Variants in PRDM10 observed in about 807,000 individuals in gnomAD.
PRDM10 encodes the protein PR/SET domain 10.
In PRDM10, 65 loss-of-function variants were observed where a neutral mutation model predicts 133.1. That is an observed-to-expected ratio of 0.49 (90% confidence interval 0.40 to 0.60). The LOEUF (loss-of-function observed/expected upper bound fraction) is 0.60, where lower values mean the gene tolerates loss of function less well. Ranked by LOEUF, PRDM10 falls within the 20% of genes least tolerant of loss-of-function variation. The pLI is 0.00. For synonymous variants in PRDM10, 582 were observed against 580.4 expected, an observed-to-expected ratio of 1.00 and a Z score of -0.04; for missense variants, 1,137 against 1,507.1, an observed-to-expected ratio of 0.75 and a Z score of 4.07.
chr11:129,986,099 C>T (rs1168578056), intron 1 of PRDM10, among the ~76,000 whole-genome samples: 1 of 151,154 alleles, frequency 6.6e-6, no homozygotes, highest in South Asian at 2.1e-4. Flanking sequence ...ATCTCCTCCT[C>T]GCCCTGTGCC....
intron 1 of PRDM10, among the ~76,000 whole-genome samples, chr11:130,001,681 C>T (rs924894427): frequency 6.6e-6 from 1 of 152,208 alleles, no homozygotes; most frequent in Admixed American, 6.5e-5. Context: ...GGCTGGAGGG[C>T]AGACGGGGAA....
intron 1 of PRDM10, among the ~76,000 whole-genome samples, chr11:129,969,389 C>G (rs1041913864): frequency 1.3e-5 from 2 of 152,154 alleles, no homozygotes; most frequent in African/African-American, 4.8e-5. Flanking sequence ...ATCAGACAGC[C>G]TAGCTCCAAA....
chr11:129,944,685 C>T, intron 6 of PRDM10, 86 bp downstream of exon 6: 5 of 1,510,350 alleles, frequency 3.3e-6, no homozygotes, highest in Non-Finnish European at 3.6e-6. Context: ...TGCTAAGAAA[C>T]AGGAATAAGA....
In PRDM10 at chr11:129,901,460, T is replaced by C. The variant is rs1949842638; in HGVS notation, c.*853A>G. On this transcript the variant is annotated 3_prime_UTR_variant, in exon 21 of 21. Transcript: ENST00000360871. ...GAACAAAATTTCAATACTTTCTCTC[T>C]CTCTCTCTCAATAGTTTTGGAAATT... 6.6e-6 allele frequency: 1 copy of C among 152,266 alleles called. No individual in the cohort carries two copies. The highest frequency in any genetic ancestry group is 2.1e-4 in the South Asian group (1 of 4,834). The allele number at this position is 152,266 out of a possible 1,614,324, so 9.4% of individuals were successfully genotyped here.
intron 8 of PRDM10, among the ~76,000 whole-genome samples, chr11:129,936,079 C>T (rs1018730064): frequency 2.6e-5 from 4 of 152,082 alleles, no homozygotes; most frequent in African/African-American, 9.7e-5. Flanking sequence ...CTTGATCACC[C>T]GGCCAATCAT....
At position 129,957,899 on chromosome 11, in the gene PRDM10, A is replaced by G. The variant is rs1403780933; in HGVS notation, c.81T>C (p.Val27=). 6.2e-6 allele frequency: 10 copies of G among 1,611,798 alleles called. No homozygotes were observed. The South Asian group carries it at 1.1e-4, about 18-fold the overall frequency. The change falls in exon 3 of 21, where the codon GTT becomes GTC. Residue 27 remains valine, a synonymous_variant. Coordinates refer to ENST00000360871, the MANE Select transcript of PRDM10 (RefSeq NM_199437.2). ...HEQNAAQVHF[V]PDTGTVAQIV... ...TCTGAGCCACTGTTCCTGTGTCCGG[A>G]ACAAAGTGCACCTGGCATAAACAGG...
chr11:129,921,608 C>G (rs73016854), intron 13 of PRDM10, among the ~76,000 whole-genome samples: 12,508 of 152,264 alleles, frequency 0.082, 575 homozygotes, highest in Admixed American at 0.13. Context: ...TCTGATTCTA[C>G]TTTGAAAATA....
intron 7 of PRDM10, among the ~76,000 whole-genome samples, chr11:129,938,192 A>G (rs921863179): frequency 6.0e-5 from 9 of 149,982 alleles, no homozygotes; most frequent in African/African-American, 2.2e-4. Flanking sequence ...GGGACTTCTT[A>G]TTTTGACCTC....
At position 129,961,099 on chromosome 11, in the gene PRDM10, A is replaced by G. The variant is rs1277618764; in HGVS notation, c.-118-17T>C. 1 of 579,226 alleles carries G rather than the reference A, an allele frequency of 1.7e-6. No individual in the cohort carries two copies. Among genetic ancestry groups the G allele is most frequent in the African/African-American group, 1.9e-5 (1 of 52,542 alleles). The allele number at this position is 579,226 out of a possible 1,614,324, so 35.9% of individuals were successfully genotyped here. On this transcript the variant is annotated splice_polypyrimidine_tract_variant and intron_variant, in intron 1 of 20. Coordinates refer to ENST00000360871, the MANE Select transcript of PRDM10 (RefSeq NM_199437.2). Reference sequence around the variant, plus strand: ...GCAGCATGCCTGAGAAAACACAGAAAAGGAACCAAGACTTTCAGTAGATAA... The same window carrying G: ...GCAGCATGCCTGAGAAAACACAGAAGAGGAACCAAGACTTTCAGTAGATAA...
chr11:129,994,306 A>G (rs1938919725), intron 1 of PRDM10, among the ~76,000 whole-genome samples: 1 of 98,162 alleles, frequency 1.0e-5, no homozygotes, highest in Non-Finnish European at 1.8e-5. Context: ...CTAAAAAAAA[A>G]GTACAAAAAT....
At chr11:129,909,473 T>C (rs965586388) in intron 19 of PRDM10, among the ~76,000 whole-genome samples, 2 of 150,988 alleles carry the variant, frequency 1.3e-5, no homozygotes, top group Non-Finnish European at 2.9e-5. Flanking sequence ...GAATATTGAT[T>C]GTAAAAATAA....
chr11:129,952,117 G>GT (rs368182371), intron 4 of PRDM10, among the ~76,000 whole-genome samples: 38 of 152,328 alleles, frequency 2.5e-4, no homozygotes, highest in African/African-American at 8.9e-4. Flanking sequence ...GTCTTGTAAT[G>GT]TCAGGGTTTG....
intron 19 of PRDM10, 130 bp downstream of exon 19, chr11:129,910,346 G>C (rs1950147341): frequency 2.4e-5 from 30 of 1,264,760 alleles, no homozygotes; most frequent in Admixed American, 6.4e-5. Flanking sequence ...ACCCATTGAA[G>C]TACATTCATA....
At chr11:129,983,877 C>CTGTGTGGTGGGGT in intron 1 of PRDM10, among the ~76,000 whole-genome samples, 1 of 152,274 alleles carries the variant, frequency 6.6e-6, no homozygotes, top group East Asian at 1.9e-4. Context: ...TATGTTCCCT[C>CTGTGTGGTGGGGT]CTGTGACCAC....
rs116285392 is a variant in PRDM10, at chr11:129,998,908, T to G, written c.-119+3814A>C. On this transcript the variant is annotated intron_variant, in intron 1 of 20. Coordinates refer to ENST00000360871, the MANE Select transcript of PRDM10 (RefSeq NM_199437.2). ...CGTGATCTCGGCTCACTGCAGCCGCTACTTCCGGGGCTCAGGTGATTCTCC... is the reference window on the plus strand; with the variant it reads ...CGTGATCTCGGCTCACTGCAGCCGCGACTTCCGGGGCTCAGGTGATTCTCC... Among the ~76,000 whole-genome samples, 980 of 150,830 alleles carry G rather than the reference T, an allele frequency of 6.5e-3. 8 individuals carry two copies. Among genetic ancestry groups the G allele is most frequent in the African/African-American group, 0.022 (889 of 40,982 alleles).
intron 9 of PRDM10, among the ~76,000 whole-genome samples, chr11:129,932,689 G>T (rs537457185): frequency 2.0e-5 from 3 of 152,136 alleles, no homozygotes; most frequent in African/African-American, 7.2e-5. Context: ...TGGAAGGTCA[G>T]AACAAATTTC....
chr11:129,955,974 A>T (rs1416727053), intron 3 of PRDM10, among the ~76,000 whole-genome samples: 2 of 152,244 alleles, frequency 1.3e-5, no homozygotes, highest in Non-Finnish European at 2.9e-5. Context: ...ATGGATGGAG[A>T]TAGACAGGCA....
chr11:129,933,972 T>A (rs2135825473), intron 9 of PRDM10, among the ~76,000 whole-genome samples: 1 of 152,296 alleles, frequency 6.6e-6, no homozygotes, highest in East Asian at 1.9e-4. Context: ...GCATCTCCAG[T>A]TCAATCCTTC....
chr11:129,988,921 G>A lies in PRDM10; in HGVS notation c.-119+13801C>T, dbSNP rs189657856. On this transcript the variant is annotated intron_variant, in intron 1 of 20. Transcript: ENST00000360871. ...TGGGATTACAGGCGTGAGCCACTGC[G>A]CCCGGCCAAGTCAATGCAAACTTTC... 4.5e-4 allele frequency among the ~76,000 whole-genome samples: 68 copies of A among 152,216 alleles called. No individual in the cohort carries two copies. In the East Asian group the frequency reaches 7.7e-3, roughly 17 times the overall value.
Sources: gnomAD v4.1 joint callset for allele counts (sites outside exome capture counted in the v4.1 genomes callset) on GRCh38, gnomAD v4.1.1 for gene constraint, MANE v1.5 for transcripts, NCBI Gene and HGNC (gene_info 2026-07-23, HGNC 2026-07-21) for gene names.